Variants in PATJ observed in about 807,000 individuals in gnomAD.
PATJ encodes PATJ crumbs cell polarity complex component, also known as inaD-like protein.
In PATJ, 190 loss-of-function variants were observed where a neutral mutation model predicts 224.9. The ratio of observed to expected loss-of-function variants is 0.84; its 90% CI spans 0.75 to 0.95. The LOEUF (loss-of-function observed/expected upper bound fraction) is 0.95. Among genes scored for constraint, PATJ ranks in the 40% least tolerant of loss-of-function variants. The pLI, the probability that PATJ is intolerant of heterozygous loss-of-function variation, is 0.00. For synonymous variants in PATJ, 769 were observed against 820.3 expected (o/e 0.94, Z 1.07); for missense variants, 2,121 against 2,270.3 (o/e 0.93, Z 1.34).
intron 17 of PATJ, among the ~76,000 whole-genome samples, chr1:61,841,508 G>A (rs1661079382): frequency 6.6e-6 from 1 of 151,644 alleles, no homozygotes; most frequent in Non-Finnish European, 1.5e-5. Context: ...TAAAGGATAG[G>A]CATGTACTAT....
At chr1:61,746,984 G>A (rs1167390921) in intron 1 of PATJ, among the ~76,000 whole-genome samples, 1 of 152,172 alleles carries the variant, frequency 6.6e-6, no homozygotes, top group East Asian at 1.9e-4. Context: ...TTACTTAACA[G>A]CATTTAATAA....
chr1:61,959,507 T>TCA lies in PATJ; in HGVS notation c.3671-30659_3671-30658dup, dbSNP rs1310686653. ...TGGAGTGCAGTGGCACAATCATGGC[T>TCA]CACTGCAGCCTCGACCCACCAGGCT... On this transcript the variant is annotated intron_variant, in intron 27 of 43. Coordinates refer to ENST00000642238, the MANE Select transcript of PATJ (RefSeq NM_001350145.3). 6.7e-5 allele frequency among the ~76,000 whole-genome samples: 10 copies of TCA among 148,186 alleles called. No individual in the cohort carries two copies. In the Admixed American group the frequency reaches 6.9e-4, roughly 10 times the overall value.
intron 33 of PATJ, among the ~76,000 whole-genome samples, chr1:62,091,443 T>A (rs1272802882): frequency 6.6e-6 from 1 of 152,248 alleles, no homozygotes; most frequent in East Asian, 1.9e-4. Context: ...ATTAAGATAA[T>A]GAATATGAAG....
intron 31 of PATJ, among the ~76,000 whole-genome samples, chr1:62,058,527 T>C (rs555873475): frequency 3.9e-5 from 6 of 152,342 alleles, no homozygotes; most frequent in African/African-American, 1.4e-4. Flanking sequence ...ATCCTGCCTG[T>C]GGGAAAGGGG....
chr1:61,961,798 G>A (rs1257530872), intron 27 of PATJ, among the ~76,000 whole-genome samples: 5 of 151,678 alleles, frequency 3.3e-5, no homozygotes, highest in Admixed American at 6.6e-5. Context: ...GCGAAACCCC[G>A]TCTCTACTAA....
chr1:61,772,073 T>G (rs1646645769), intron 6 of PATJ, among the ~76,000 whole-genome samples: 1 of 151,276 alleles, frequency 6.6e-6, no homozygotes, highest in Admixed American at 6.6e-5. Flanking sequence ...AATGCAGCGT[T>G]AGCATATTTA....
chr1:62,150,679 GAAAAAA>G (rs56167585), intron 42 of PATJ, among the ~76,000 whole-genome samples: 2 of 82,008 alleles, frequency 2.4e-5, no homozygotes, highest in African/African-American at 5.0e-5. Context: ...CCTGTCTCAA[GAAAAAA>G]AAAAAAAAAA....
chr1:62,120,283 T>C (rs894957610), intron 37 of PATJ, among the ~76,000 whole-genome samples: 1 of 152,210 alleles, frequency 6.6e-6, no homozygotes, highest in Non-Finnish European at 1.5e-5. Context: ...TATAATTCTT[T>C]CAGCTTTTCT....
intron 15 of PATJ, among the ~76,000 whole-genome samples, chr1:61,826,460 G>A (rs1032480006): frequency 1.3e-5 from 2 of 152,194 alleles, no homozygotes; most frequent in African/African-American, 4.8e-5. Context: ...AGTCAGATGC[G>A]AAAAGATTAT....
intron 21 of PATJ, among the ~76,000 whole-genome samples, chr1:61,883,873 T>A (rs1668439094): frequency 6.7e-6 from 1 of 149,766 alleles, no homozygotes; most frequent in Non-Finnish European, 1.5e-5. Context: ...GTTTTTTTTT[T>A]TTTTAAATCA....
Position 61,861,284 on chromosome 1 carries a change from CTTT to C in PATJ, c.2323-246_2323-244del. Among the ~76,000 whole-genome samples the C allele has an allele frequency of 2.9e-3, 142 of 48,870 alleles. 2 individuals carry two copies. The highest frequency in any genetic ancestry group is 0.016 in the Middle Eastern group (1 of 64). 32.1% of individuals were successfully genotyped at this position (48,870 alleles called of 152,430 possible). A position where few individuals can be genotyped will look rare whatever the true frequency, so the allele number is the denominator to read the frequency against. Reference sequence around the variant, plus strand: ...TGAAACCAGGATATTTTCTTTCTTTCTTTTTTTTTTTTTTTTTTTTTTTACGTG... The same window carrying C: ...TGAAACCAGGATATTTTCTTTCTTTCTTTTTTTTTTTTTTTTTTTTACGTG... On this transcript the variant is annotated intron_variant, in intron 18 of 43. Coordinates refer to ENST00000642238, the MANE Select transcript of PATJ (RefSeq NM_001350145.3).
intron 38 of PATJ, among the ~76,000 whole-genome samples, chr1:62,121,540 C>T (rs1354881201): frequency 5.3e-5 from 8 of 151,578 alleles, no homozygotes; most frequent in Middle Eastern, 3.4e-3. Context: ...CTGTGGCGGG[C>T]GGATCACCTG....
At chr1:61,817,199 G>A (rs532633298) in intron 14 of PATJ, among the ~76,000 whole-genome samples, 1 of 152,236 alleles carries the variant, frequency 6.6e-6, no homozygotes, top group Non-Finnish European at 1.5e-5. Context: ...GTTAGTTCAA[G>A]TATCAAAAAT....
intron 12 of PATJ, among the ~76,000 whole-genome samples, chr1:61,804,934 A>G (rs1653222536): frequency 1.3e-5 from 2 of 152,212 alleles, no homozygotes; most frequent in African/African-American, 4.8e-5. Context: ...ACAAGCCTTT[A>G]TAGCTACCCA....
intron 20 of PATJ, among the ~76,000 whole-genome samples, chr1:61,871,070 G>GTTTT (rs1247341544): frequency 2.2e-4 from 17 of 78,086 alleles, no homozygotes; most frequent in Non-Finnish European, 2.7e-4. Flanking sequence ...TTTGGTTTTT[G>GTTTT]TTTTTTTTGT....
At chr1:62,128,129 T>C in intron 40 of PATJ, 35 bp downstream of exon 40, 1 of 1,612,860 alleles carries the variant, frequency 6.2e-7, no homozygotes, top group Non-Finnish European at 8.5e-7. Flanking sequence ...ACTAACAATA[T>C]GTGTTGGGGT....
intron 31 of PATJ, chr1:62,072,916 T>G (rs1215178441): frequency 4.5e-6 from 2 of 448,736 alleles, no homozygotes; most frequent in African/African-American, 4.3e-5. Flanking sequence ...GTTTTGGTCA[T>G]TTTTGTAGTA....
At chr1:62,010,041 C>CCAT (rs1646339458) in intron 28 of PATJ, among the ~76,000 whole-genome samples, 1 of 146,706 alleles carries the variant, frequency 6.8e-6, no homozygotes. Context: ...CGAGATCGTA[C>CCAT]CATTGCACTC....
intron 17 of PATJ, among the ~76,000 whole-genome samples, chr1:61,843,323 A>G (rs373834476): frequency 5.3e-5 from 8 of 152,318 alleles, no homozygotes; most frequent in Admixed American, 2.0e-4. Context: ...CCAGGTTTGC[A>G]TTCTGGATAT....
Sources: allele counts gnomAD v4.1 joint callset (sites outside exome capture counted in the v4.1 genomes callset), GRCh38; gene constraint gnomAD v4.1.1; transcripts MANE v1.5; gene names NCBI Gene and HGNC (gene_info 2026-07-23, HGNC 2026-07-21).